PCDHA12: variants seen among roughly 807,000 people sequenced by gnomAD.
The protein encoded by PCDHA12 is protocadherin alpha 12.
Under a neutral mutation model 60.0 loss-of-function variants are expected in PCDHA12, and 44 were observed. The observed-to-expected ratio is 0.73, with a 90% CI of 0.58 to 0.94. The LOEUF is 0.94. PCDHA12 is among the 40% of genes least tolerant of loss of function. The probability of loss-of-function intolerance (pLI) is 0.00; values close to 1 mark genes in which losing one functional copy is unlikely to be tolerated. For synonymous variants in PCDHA12, 569 were observed against 553.0 expected (o/e 1.03, Z -0.40); for missense variants, 1,276 against 1,239.7 (o/e 1.03, Z -0.44).
chr5:140,888,755 T>C (rs1290458155), intron 1 of PCDHA12, among the ~76,000 whole-genome samples: 1 of 146,364 alleles, frequency 6.8e-6, no homozygotes, highest in African/African-American at 2.5e-5. Flanking sequence ...TTCTACCCAC[T>C]TTTTTTTTTA....
chr5:140,926,629 G>A, intron 1 of PCDHA12: 1 of 406,364 alleles, frequency 2.5e-6, no homozygotes, highest in African/African-American at 2.1e-5. Context: ...GCGGCGCTGC[G>A]CTCCTCAACA....
intron 1 of PCDHA12, among the ~76,000 whole-genome samples, chr5:140,903,825 C>A (rs1367828043): frequency 2.0e-5 from 3 of 152,092 alleles, no homozygotes; most frequent in Admixed American, 2.0e-4. Flanking sequence ...ACATGAATGT[C>A]TGTTGGTATT....
At chr5:140,911,591 A>G (rs2075552073) in intron 1 of PCDHA12, among the ~76,000 whole-genome samples, 2 of 152,222 alleles carry the variant, frequency 1.3e-5, no homozygotes, top group Non-Finnish European at 1.5e-5. Context: ...AGGAGGAACC[A>G]ACCAACTTCA....
chr5:140,957,188 C>A (rs374236292), intron 1 of PCDHA12, among the ~76,000 whole-genome samples: 1 of 151,992 alleles, frequency 6.6e-6, no homozygotes, highest in Middle Eastern at 3.4e-3. Flanking sequence ...TATTGATGAC[C>A]GATTGGGAAT....
chr5:140,893,656 T>C (rs950016091), intron 1 of PCDHA12, among the ~76,000 whole-genome samples: 1 of 152,222 alleles, frequency 6.6e-6, no homozygotes. Flanking sequence ...CTGATAGTTT[T>C]AAAAAATTTC....
chr5:140,886,886 T>C (rs1554182794), intron 1 of PCDHA12, among the ~76,000 whole-genome samples: 1 of 151,610 alleles, frequency 6.6e-6, no homozygotes, highest in African/African-American at 2.4e-5. Flanking sequence ...CATTCATTAA[T>C]TAAATGCATT....
rs369915148 is a variant in PCDHA12 at position 140,876,556 on chromosome 5, G to A, written c.1084G>A (p.Asp362Asn). The change falls in exon 1 of 4, where the codon GAT becomes AAT. Residue 362 changes from aspartate (D) to asparagine (N), a missense_variant. Transcript: ENST00000398631. ...VTSLSLPVQE[D>N]AQVGTVIALI... ...TTCACTGTCGCTCCCTGTGCAAGAG[G>A]ATGCTCAGGTGGGTACCGTCATTGC... 6.2e-6 allele frequency: 10 copies of A among 1,614,204 alleles called. No homozygotes were observed. Among genetic ancestry groups the A allele is most frequent in the Non-Finnish European group, 8.5e-6 (10 of 1,180,032 alleles).
chr5:140,926,679 C>T (rs1348629347), intron 1 of PCDHA12: 26 of 638,064 alleles, frequency 4.1e-5, no homozygotes, highest in Middle Eastern at 4.4e-4. Context: ...GCCCAGCCTC[C>T]AGCCTAGCAA....
At chr5:140,939,911 T>C (rs1554213037) in intron 1 of PCDHA12, among the ~76,000 whole-genome samples, 1 of 152,232 alleles carries the variant, frequency 6.6e-6, no homozygotes, top group African/African-American at 2.4e-5. Flanking sequence ...TTCTTTTTTA[T>C]TCTTTTTGTT....
At chr5:140,882,621 A>T (rs374336585) in intron 1 of PCDHA12, 1 of 1,614,094 alleles carries the variant, frequency 6.2e-7, no homozygotes, top group African/African-American at 1.3e-5. Context: ...CAGGTTTTCC[A>T]TGTGGAGGTG....
At chr5:140,978,319 A>G (rs1294780698) in intron 1 of PCDHA12, among the ~76,000 whole-genome samples, 2 of 152,216 alleles carry the variant, frequency 1.3e-5, no homozygotes, top group Admixed American at 1.3e-4. Context: ...AGCAGGAACA[A>G]GTACAAGTTT....
chr5:141,004,880 G>A (rs940142127), intron 3 of PCDHA12, among the ~76,000 whole-genome samples: 2 of 152,172 alleles, frequency 1.3e-5, no homozygotes, highest in Admixed American at 6.5e-5. Context: ...TCCCTAAAGT[G>A]CTATTGTGTC....
chr5:140,910,972 G>T (rs533796834), intron 1 of PCDHA12, among the ~76,000 whole-genome samples: 1 of 152,124 alleles, frequency 6.6e-6, no homozygotes, highest in African/African-American at 2.4e-5. Flanking sequence ...CCTCCTCATG[G>T]GTTATACTCT....
At chr5:140,890,066 C>G (rs1217511895) in intron 1 of PCDHA12, among the ~76,000 whole-genome samples, 1 of 152,148 alleles carries the variant, frequency 6.6e-6, no homozygotes, top group Non-Finnish European at 1.5e-5. Context: ...CTTTTACTGG[C>G]TTATGAGAAC....
At position 140,951,544 on chromosome 5, in the gene PCDHA12, G is replaced by A. The variant is rs543008494; in HGVS notation, c.2368-27405G>A. On this transcript the variant is annotated intron_variant, in intron 1 of 3. Transcript: ENST00000398631. ...CATGGCCGGTGCAGGAGCAAGGGAC[G>A]GGGGGAAGTGCTACGCACTTTTAAA... Among the ~76,000 whole-genome samples the A allele has an allele frequency of 1.4e-3, 220 of 151,994 alleles. 1 individual carries two copies. The highest frequency in any genetic ancestry group is 4.9e-3 in the African/African-American group (204 of 41,462).
At chr5:140,892,439 T>G (rs2063514217) in intron 1 of PCDHA12, among the ~76,000 whole-genome samples, 1 of 152,206 alleles carries the variant, frequency 6.6e-6, no homozygotes, top group Non-Finnish European at 1.5e-5. Context: ...TTATCTAAAA[T>G]TTACATGTAT....
chr5:141,002,806 G>T (rs1341419225), intron 3 of PCDHA12, among the ~76,000 whole-genome samples: 1 of 152,162 alleles, frequency 6.6e-6, no homozygotes, highest in Non-Finnish European at 1.5e-5. Context: ...GGAAACTGAG[G>T]CTCAGAGATA....
chr5:140,945,182 A>G (rs2093754559), intron 1 of PCDHA12, among the ~76,000 whole-genome samples: 1 of 152,174 alleles, frequency 6.6e-6, no homozygotes, highest in Non-Finnish European at 1.5e-5. Context: ...ATAAATCAAG[A>G]AAACCATGCT....
intron 1 of PCDHA12, among the ~76,000 whole-genome samples, chr5:140,898,335 A>C (rs1232674937): frequency 2.6e-5 from 4 of 152,208 alleles, no homozygotes; most frequent in African/African-American, 9.6e-5. Context: ...CTAACGTTTA[A>C]GTCTTTAATC....
Sources: allele counts gnomAD v4.1 joint callset (sites outside exome capture counted in the v4.1 genomes callset), GRCh38; gene constraint gnomAD v4.1.1; transcripts MANE v1.5; gene names NCBI Gene and HGNC (gene_info 2026-07-23, HGNC 2026-07-21).